Variants in VCAN observed in about 807,000 individuals in gnomAD.
The protein encoded by VCAN is versican core protein.
Under a neutral mutation model 245.5 loss-of-function variants are expected in VCAN, and 44 were observed. The observed-to-expected ratio is 0.18, with a 90% CI of 0.14 to 0.23. The LOEUF (loss-of-function observed/expected upper bound fraction) is 0.23. Among genes scored for constraint, VCAN ranks in the 10% least tolerant of loss-of-function variants. VCAN has a pLI of 1.00. For synonymous variants in VCAN, 1,413 were observed against 1,437.0 expected, an observed-to-expected ratio of 0.98 and a Z score of 0.38; for missense variants, 3,793 against 4,057.9, an observed-to-expected ratio of 0.93 and a Z score of 1.77.
intron 5 of VCAN, among the ~76,000 whole-genome samples, chr5:83,505,919 T>G (rs1032615856): frequency 2.0e-5 from 3 of 152,210 alleles, no homozygotes; most frequent in African/African-American, 7.2e-5. Flanking sequence ...CTGCCAAGGT[T>G]TGGGGCTTCC....
intron 13 of VCAN, among the ~76,000 whole-genome samples, chr5:83,576,926 T>C (rs1464303783): frequency 3.9e-5 from 6 of 152,208 alleles, no homozygotes; most frequent in African/African-American, 1.4e-4. Context: ...TATAATCTTA[T>C]ACATACTAAT....
chr5:83,507,633 C>T (rs1423569), intron 5 of VCAN, among the ~76,000 whole-genome samples: 2,637 of 152,258 alleles, frequency 0.017, 76 homozygotes, highest in East Asian at 0.095. Context: ...CCTTGGATTC[C>T]TGATTTGGCT....
intron 7 of VCAN, chr5:83,536,099 G>A (rs766838897): frequency 1.3e-5 from 2 of 152,092 alleles, no homozygotes; most frequent in Non-Finnish European, 2.9e-5. Context: ...GGTACCATAT[G>A]GCAATTTACA....
chr5:83,576,341 T>C (rs56788112), intron 13 of VCAN, among the ~76,000 whole-genome samples: 3,360 of 152,280 alleles, frequency 0.022, 99 homozygotes, highest in African/African-American at 0.059. Context: ...TGTGCTTTGC[T>C]CTTTTTTTTG....
In VCAN at chr5:83,541,775, A is replaced by G. The variant is rs1284258328; in HGVS notation, c.8772A>G (p.Glu2924=). The change falls in exon 8 of 15, where the codon GAA becomes GAG. Residue 2924 remains glutamate, a synonymous_variant. Coordinates refer to ENST00000265077, the MANE Select transcript of VCAN (RefSeq NM_004385.5). ...EASPTELIAV[E]GTEILQDFQN... is the part of the protein sequence containing the mutation. Reference sequence around the variant, plus strand: ...CTCCCACAGAACTTATTGCTGTGGAAGGAACTGAGATTCTCCAAGATTTCC... The same window carrying G: ...CTCCCACAGAACTTATTGCTGTGGAGGGAACTGAGATTCTCCAAGATTTCC... 1.9e-6 allele frequency: 3 copies of G among 1,614,000 alleles called. No homozygotes were observed. The highest frequency in any genetic ancestry group is 1.7e-5 in the Admixed American group (1 of 59,996).
At chr5:83,544,249 A>G (rs535270775) in intron 8 of VCAN, among the ~76,000 whole-genome samples, 1 of 152,376 alleles carries the variant, frequency 6.6e-6, no homozygotes, top group African/African-American at 2.4e-5. Flanking sequence ...AACTATAGGA[A>G]AAAGTGTCTT....
chr5:83,523,186 G>A (rs557904290), intron 7 of VCAN, among the ~76,000 whole-genome samples: 59 of 152,258 alleles, frequency 3.9e-4, no homozygotes, highest in African/African-American at 1.3e-3. Flanking sequence ...ATTTATTGCT[G>A]TCTAAAGGTG....
intron 1 of VCAN, among the ~76,000 whole-genome samples, chr5:83,476,811 C>G (rs781272254): frequency 9.2e-5 from 14 of 152,036 alleles, no homozygotes; most frequent in Non-Finnish European, 1.6e-4. Flanking sequence ...TGTGTCAGTT[C>G]TGTTTCCTGA....
At chr5:83,565,546 G>A (rs79471139) in intron 12 of VCAN, among the ~76,000 whole-genome samples, 3,029 of 152,164 alleles carry the variant, frequency 0.02, 52 homozygotes, top group Non-Finnish European at 0.029. Context: ...TTAGAAGCCA[G>A]TAGAGAGGAA....
intron 5 of VCAN, among the ~76,000 whole-genome samples, chr5:83,498,591 G>A (rs1415919468): frequency 6.6e-6 from 1 of 151,784 alleles, no homozygotes; most frequent in African/African-American, 2.4e-5. Flanking sequence ...TTGTTCTCTT[G>A]TACATAACTT....
intron 6 of VCAN, among the ~76,000 whole-genome samples, chr5:83,514,146 C>A (rs1745762503): frequency 6.6e-6 from 1 of 151,932 alleles, no homozygotes; most frequent in South Asian, 2.1e-4. Context: ...GCACAAAATT[C>A]AAAAAATGTT....
chr5:83,522,922 A>G (rs72771211), intron 7 of VCAN, among the ~76,000 whole-genome samples: 1,750 of 152,312 alleles, frequency 0.011, 28 homozygotes, highest in Non-Finnish European at 0.015. Context: ...TAGAGCAAGT[A>G]CAACCTAGCT....
chr5:83,517,204 AT>A (rs1005519918), intron 6 of VCAN, among the ~76,000 whole-genome samples: 3 of 152,176 alleles, frequency 2.0e-5, no homozygotes, highest in African/African-American at 7.2e-5. Context: ...AGTTTTAAAA[AT>A]ATGAGTCAAC....
intron 12 of VCAN, among the ~76,000 whole-genome samples, chr5:83,560,852 C>T (rs1183859875): frequency 6.6e-6 from 1 of 152,096 alleles, no homozygotes; most frequent in Non-Finnish European, 1.5e-5. Flanking sequence ...AATGATTCCC[C>T]CCAGCACCAT....
In VCAN at chr5:83,546,038, T is replaced by C. The variant is rs577344872; in HGVS notation, c.9379+388T>C. On this transcript the variant is annotated intron_variant, in intron 9 of 14. Transcript: ENST00000265077. ...TAAAAATTAGGAAAATAATAAAAGT[T>C]AGAGAGCTTTGTCCTTAGTTTTGGG... 2.6e-5 allele frequency among the ~76,000 whole-genome samples: 4 copies of C among 152,276 alleles called. No individual in the cohort carries two copies. The South Asian group carries it at 8.3e-4, about 32-fold the overall frequency.
At chr5:83,546,964 CTG>C in intron 9 of VCAN, among the ~76,000 whole-genome samples, 1 of 152,124 alleles carries the variant, frequency 6.6e-6, no homozygotes, top group East Asian at 1.9e-4. Flanking sequence ...AGATTAGAAT[CTG>C]TGTAGAAAGA....
intron 13 of VCAN, among the ~76,000 whole-genome samples, chr5:83,577,745 T>C (rs1354743234): frequency 6.6e-6 from 1 of 152,194 alleles, no homozygotes; most frequent in African/African-American, 2.4e-5. Flanking sequence ...ACCAAGTTTA[T>C]TATTTCTGTA....
intron 2 of VCAN, among the ~76,000 whole-genome samples, chr5:83,486,291 C>G (rs1189573154): frequency 2.0e-5 from 3 of 152,188 alleles, no homozygotes; most frequent in Admixed American, 2.0e-4. Flanking sequence ...CTTTCATCTT[C>G]TAGCAAAGTG....
At chr5:83,576,014 T>C (rs1398115559) in intron 13 of VCAN, among the ~76,000 whole-genome samples, 3 of 152,178 alleles carry the variant, frequency 2.0e-5, no homozygotes, top group Non-Finnish European at 4.4e-5. Flanking sequence ...TTTCTCTTTT[T>C]AGATATTTTA....
Sources: allele counts gnomAD v4.1 joint callset (sites outside exome capture counted in the v4.1 genomes callset), GRCh38; gene constraint gnomAD v4.1.1; transcripts MANE v1.5; gene names NCBI Gene and HGNC (gene_info 2026-07-23, HGNC 2026-07-21).